Variants in SNX29 observed in about 807,000 individuals in gnomAD.
The protein encoded by SNX29 is sorting nexin 29.
Under a neutral mutation model 102.1 loss-of-function variants are expected in SNX29, and 78 were observed. That is an observed-to-expected ratio of 0.76 (90% confidence interval 0.64 to 0.92). The LOEUF is 0.92. Among genes scored for constraint, SNX29 ranks in the 40% least tolerant of loss-of-function variants. SNX29 has a pLI of 0.00. For synonymous variants in SNX29, 580 were observed against 414.5 expected (o/e 1.40, Z -4.85); for missense variants, 1,280 against 1,061.7 (o/e 1.21, Z -2.86).
intron 20 of SNX29, among the ~76,000 whole-genome samples, chr16:12,551,916 C>G (rs1207206002): frequency 6.6e-6 from 1 of 152,208 alleles, no homozygotes; most frequent in Admixed American, 6.5e-5. Flanking sequence ...CTATACCCTA[C>G]CACACAGAGC....
intron 19 of SNX29, among the ~76,000 whole-genome samples, chr16:12,499,021 G>A (rs1307545840): frequency 1.3e-5 from 2 of 152,158 alleles, no homozygotes; most frequent in Non-Finnish European, 2.9e-5. Context: ...CTGGAAAAAT[G>A]AGCCACCCAG....
chr16:12,233,166 C>G (rs549484790), intron 14 of SNX29, among the ~76,000 whole-genome samples: 1 of 152,280 alleles, frequency 6.6e-6, no homozygotes, highest in South Asian at 2.1e-4. Context: ...TCCCTCCTCC[C>G]TGCAAAAACA....
intron 18 of SNX29, among the ~76,000 whole-genome samples, chr16:12,476,413 C>CATATATATATAT (rs61390803): frequency 5.1e-5 from 1 of 19,526 alleles, no homozygotes; most frequent in Non-Finnish European, 9.6e-5. Context: ...TATATATATA[C>CATATATATATAT]ATATATATAT....
In SNX29 at chr16:12,568,098, C is replaced by T. The variant is rs116959767; in HGVS notation, c.2319-408C>T. Reference sequence around the variant, plus strand: ...CAGGAAGTCCGTCTCCTGTGTTTTGCTACGCATCTTGTGTGGCTTTATGTA... The same window carrying T: ...CAGGAAGTCCGTCTCCTGTGTTTTGTTACGCATCTTGTGTGGCTTTATGTA... On this transcript the variant is annotated intron_variant, in intron 20 of 20. Coordinates refer to ENST00000566228, the MANE Select transcript of SNX29 (RefSeq NM_032167.5). Among the ~76,000 whole-genome samples, 1,275 of 152,308 alleles carry T rather than the reference C, an allele frequency of 8.4e-3. 6 individuals are homozygous for T. The highest frequency in any genetic ancestry group is 0.014 in the Non-Finnish European group (937 of 68,020).
At chr16:12,544,985 G>T (rs1345333034) in intron 20 of SNX29, among the ~76,000 whole-genome samples, 1 of 152,198 alleles carries the variant, frequency 6.6e-6, no homozygotes, top group African/African-American at 2.4e-5. Context: ...TGAGTAACTT[G>T]TCCTAGGTGG....
In SNX29 at chr16:12,247,563, G is replaced by A. The variant is rs544906602; in HGVS notation, c.1679-30370G>A. On this transcript the variant is annotated intron_variant, in intron 14 of 20. Transcript: ENST00000566228. ...GAACTGGGCACCTGTGATTGACATG[G>A]GCACAGAGTTTCTTCCTGGAGAGCC... Among the ~76,000 whole-genome samples, 5 of 152,234 alleles carry A rather than the reference G, an allele frequency of 3.3e-5. No homozygotes were observed. The South Asian group carries it at 1.0e-3, about 32-fold the overall frequency.
intron 18 of SNX29, among the ~76,000 whole-genome samples, chr16:12,436,078 C>A (rs1253886246): frequency 1.3e-5 from 2 of 152,198 alleles, no homozygotes; most frequent in African/African-American, 4.8e-5. Context: ...AATTGGGGCG[C>A]CGCACACACC....
At chr16:12,169,078 G>T (rs1263182368) in intron 13 of SNX29, among the ~76,000 whole-genome samples, 1 of 152,230 alleles carries the variant, frequency 6.6e-6, no homozygotes, top group South Asian at 2.1e-4. Flanking sequence ...TCTTGTGCAG[G>T]TGATGCAGTG....
chr16:12,126,098 A>G (rs1210058436), intron 11 of SNX29, among the ~76,000 whole-genome samples: 1 of 152,196 alleles, frequency 6.6e-6, no homozygotes, highest in African/African-American at 2.4e-5. Context: ...GTTGAGGTAT[A>G]CAGGAGCTCA....
At chr16:12,068,143 G>C (rs1290380445) in intron 9 of SNX29, among the ~76,000 whole-genome samples, 3 of 152,064 alleles carry the variant, frequency 2.0e-5, no homozygotes, top group Admixed American at 1.3e-4. Flanking sequence ...CCCTGGTTCT[G>C]AATATGGACT....
intron 19 of SNX29, among the ~76,000 whole-genome samples, chr16:12,518,063 A>C: frequency 6.6e-6 from 1 of 152,212 alleles, no homozygotes; most frequent in East Asian, 1.9e-4. Flanking sequence ...CCACGCGGCA[A>C]GGTTCCCATG....
chr16:12,226,988 A>G (rs563970665), intron 14 of SNX29, among the ~76,000 whole-genome samples: 16 of 152,260 alleles, frequency 1.1e-4, no homozygotes, highest in Admixed American at 5.2e-4. Flanking sequence ...ATTTGAATCT[A>G]TCTTTGAAAG....
intron 11 of SNX29, among the ~76,000 whole-genome samples, chr16:12,108,033 G>T (rs536182177): frequency 6.6e-6 from 1 of 152,218 alleles, no homozygotes; most frequent in Admixed American, 6.5e-5. Context: ...GGAGGGGAAA[G>T]GTCCATGTTG....
chr16:12,077,036 G>A (rs927741184), intron 10 of SNX29, among the ~76,000 whole-genome samples: 1 of 152,276 alleles, frequency 6.6e-6, no homozygotes, highest in African/African-American at 2.4e-5. Context: ...CACTTTGGGA[G>A]GCCAAGGTGG....
intron 20 of SNX29, among the ~76,000 whole-genome samples, chr16:12,539,417 G>C (rs921989021): frequency 1.3e-5 from 2 of 152,168 alleles, no homozygotes; most frequent in African/African-American, 2.4e-5. Context: ...AAGTCGTTGG[G>C]TGAGTCAGCA....
chr16:12,249,308 C>A (rs1347481316), intron 14 of SNX29, among the ~76,000 whole-genome samples: 1 of 152,216 alleles, frequency 6.6e-6, no homozygotes. Context: ...CACATTGCAT[C>A]CCCACATGGC....
intron 3 of SNX29, among the ~76,000 whole-genome samples, chr16:12,016,891 C>A (rs115498313): frequency 6.6e-6 from 1 of 151,970 alleles, no homozygotes; most frequent in South Asian, 2.1e-4. Context: ...CTTTGGGAGG[C>A]CAGGGCAGGA....
intron 11 of SNX29, among the ~76,000 whole-genome samples, chr16:12,118,906 C>T (rs1029847669): frequency 6.6e-6 from 1 of 152,128 alleles, no homozygotes; most frequent in Non-Finnish European, 1.5e-5. Flanking sequence ...CCCCTTCCAA[C>T]TCTACACTTC....
In SNX29 at chr16:12,037,064, C is replaced by T. The variant is rs139798349; in HGVS notation, c.248-5833C>T. On this transcript the variant is annotated intron_variant, in intron 4 of 20. Coordinates refer to ENST00000566228, the MANE Select transcript of SNX29 (RefSeq NM_032167.5). ...GCTACATTATGGGGTGGAAAATGGCCCCAAGTAGCTCCAGGTTTCCAGGAT... is the reference window on the plus strand; with the variant it reads ...GCTACATTATGGGGTGGAAAATGGCTCCAAGTAGCTCCAGGTTTCCAGGAT... 3.5e-3 allele frequency among the ~76,000 whole-genome samples: 537 copies of T among 152,110 alleles called. 2 individuals carry two copies. The highest frequency in any genetic ancestry group is 0.021 in the Middle Eastern group (6 of 292).
Sources: allele counts gnomAD v4.1 joint callset (sites outside exome capture counted in the v4.1 genomes callset), GRCh38; gene constraint gnomAD v4.1.1; transcripts MANE v1.5; gene names NCBI Gene and HGNC (gene_info 2026-07-23, HGNC 2026-07-21).